DLGAP2: variants seen among roughly 807,000 people sequenced by gnomAD.
DLGAP2 encodes DLG associated protein 2, also known as disks large-associated protein 2.
Under a neutral mutation model 100.3 loss-of-function variants are expected in DLGAP2, and 26 were observed. The ratio of observed to expected loss-of-function variants is 0.26; its 90% CI spans 0.19 to 0.36. DLGAP2 has a LOEUF of 0.36. Among genes scored for constraint, DLGAP2 ranks in the 10% least tolerant of loss-of-function variants. DLGAP2 has a pLI of 1.00. For synonymous variants in DLGAP2, 886 were observed against 630.1 expected, an observed-to-expected ratio of 1.41 and a Z score of -6.08; for missense variants, 1,858 against 1,453.2, an observed-to-expected ratio of 1.28 and a Z score of -4.53.
At chr8:1,681,192 G>A (rs1376337696) in intron 12 of DLGAP2, among the ~76,000 whole-genome samples, 1 of 152,130 alleles carries the variant, frequency 6.6e-6, no homozygotes, top group Non-Finnish European at 1.5e-5. Flanking sequence ...GTCTTCTTTG[G>A]AAGGTGTAAG....
At chr8:841,385 C>T (rs571386028) in intron 1 of DLGAP2, among the ~76,000 whole-genome samples, 3 of 152,278 alleles carry the variant, frequency 2.0e-5, no homozygotes, top group East Asian at 1.9e-4. Context: ...TGGGACACAA[C>T]CCTGGCAGCC....
chr8:1,247,364 TG>T (rs373394843), intron 2 of DLGAP2, among the ~76,000 whole-genome samples: 2,244 of 114,036 alleles, frequency 0.02, 453 homozygotes, highest in South Asian at 0.031. Flanking sequence ...GACATCAGTG[TG>T]GGAGTGATGG....
chr8:1,133,914 G>A (rs991258146), intron 2 of DLGAP2, among the ~76,000 whole-genome samples: 3 of 151,980 alleles, frequency 2.0e-5, no homozygotes, highest in African/African-American at 7.3e-5. Flanking sequence ...GTGTGTCATG[G>A]GGGTTTGTGA....
chr8:1,004,432 T>C (rs1383136297), intron 2 of DLGAP2, among the ~76,000 whole-genome samples: 2 of 152,250 alleles, frequency 1.3e-5, no homozygotes, highest in Non-Finnish European at 2.9e-5. Context: ...AGGTGAGCTC[T>C]ACTTTTTCAA....
At chr8:935,646 G>A (rs1230750506) in intron 2 of DLGAP2, among the ~76,000 whole-genome samples, 1 of 152,112 alleles carries the variant, frequency 6.6e-6, no homozygotes, top group African/African-American at 2.4e-5. Flanking sequence ...AGGGCCGGGT[G>A]TGCCTCAGTC....
intron 3 of DLGAP2, among the ~76,000 whole-genome samples, chr8:1,419,128 T>G (rs888355708): frequency 2.6e-5 from 4 of 152,260 alleles, no homozygotes; most frequent in African/African-American, 9.6e-5. Context: ...TGTTTTTCCA[T>G]TTTAAATTTG....
chr8:1,387,412 G>A (rs1796245577), intron 3 of DLGAP2, among the ~76,000 whole-genome samples: 1 of 152,222 alleles, frequency 6.6e-6, no homozygotes, highest in Non-Finnish European at 1.5e-5. Flanking sequence ...CTGCAGAGAA[G>A]GCTGGGTTTG....
chr8:1,418,847 A>T (rs1797010458), intron 3 of DLGAP2, among the ~76,000 whole-genome samples: 1 of 152,210 alleles, frequency 6.6e-6, no homozygotes, highest in African/African-American at 2.4e-5. Context: ...GCCAATCCCA[A>T]GTCTGGCTTC....
chr8:1,007,429 A>G (rs1801151073), intron 2 of DLGAP2, among the ~76,000 whole-genome samples: 1 of 152,204 alleles, frequency 6.6e-6, no homozygotes, highest in African/African-American at 2.4e-5. Flanking sequence ...ATTGGCCATC[A>G]TGGCCCATTT....
At chr8:1,698,195 C>T (rs973238513) in intron 14 of DLGAP2, among the ~76,000 whole-genome samples, 3 of 152,184 alleles carry the variant, frequency 2.0e-5, no homozygotes, top group Non-Finnish European at 4.4e-5. Flanking sequence ...CACAGGTTCC[C>T]TCTCATCCCA....
intron 3 of DLGAP2, among the ~76,000 whole-genome samples, chr8:1,298,107 G>T (rs1428735845): frequency 6.9e-6 from 1 of 143,934 alleles, no homozygotes; most frequent in Non-Finnish European, 1.5e-5. Flanking sequence ...ACAGGGAGGA[G>T]AAACGTGGCA....
chr8:1,612,544 A>G (rs1381812751), intron 6 of DLGAP2, among the ~76,000 whole-genome samples: 1 of 124,526 alleles, frequency 8.0e-6, no homozygotes, highest in Non-Finnish European at 1.7e-5. Flanking sequence ...GACAAATGGG[A>G]TCTAATTAAA....
At chr8:768,865 A>G (rs1340873145) in intron 1 of DLGAP2, among the ~76,000 whole-genome samples, 2 of 152,190 alleles carry the variant, frequency 1.3e-5, no homozygotes, top group Non-Finnish European at 2.9e-5. Flanking sequence ...ACATCATTTC[A>G]TGTGTCTGGG....
At chr8:1,268,648 C>T (rs1284059935) in intron 3 of DLGAP2, among the ~76,000 whole-genome samples, 1 of 152,194 alleles carries the variant, frequency 6.6e-6, no homozygotes, top group Non-Finnish European at 1.5e-5. Context: ...TCTTCCTTAG[C>T]TCCAGGAATA....
chr8:1,085,306 G>T (rs1222429397), intron 2 of DLGAP2, among the ~76,000 whole-genome samples: 2 of 152,134 alleles, frequency 1.3e-5, no homozygotes, highest in African/African-American at 4.8e-5. Context: ...CTCCTAACCT[G>T]TAGGCTATTT....
chr8:1,148,131 A>G (rs369716142), intron 2 of DLGAP2, among the ~76,000 whole-genome samples: 18 of 152,248 alleles, frequency 1.2e-4, no homozygotes, highest in Middle Eastern at 3.4e-3. Context: ...TACAGATTTG[A>G]TATCTTTTCT....
intron 3 of DLGAP2, among the ~76,000 whole-genome samples, chr8:1,470,751 C>CCGACTCCCCCAGGCTTT (rs879306135): frequency 1.6e-4 from 15 of 92,934 alleles, no homozygotes; most frequent in Non-Finnish European, 3.4e-4. Context: ...CCGACTCCTT[C>CCGACTCCCCCAGGCTTT]CCCGACTCCT....
chr8:989,081 C>A (rs921794168), intron 2 of DLGAP2, among the ~76,000 whole-genome samples: 1 of 152,178 alleles, frequency 6.6e-6, no homozygotes, highest in Non-Finnish European at 1.5e-5. Context: ...GCACAGATCC[C>A]GTCTAGTCAG....
intron 4 of DLGAP2, among the ~76,000 whole-genome samples, chr8:1,517,866 G>A (rs533369923): frequency 2.0e-5 from 3 of 152,200 alleles, no homozygotes; most frequent in African/African-American, 7.2e-5. Flanking sequence ...GCAGGGTCAT[G>A]GAATAAGACA....
Sources: gnomAD v4.1 joint callset for allele counts (sites outside exome capture counted in the v4.1 genomes callset) on GRCh38, gnomAD v4.1.1 for gene constraint, MANE v1.5 for transcripts, NCBI Gene and HGNC (gene_info 2026-07-23, HGNC 2026-07-21) for gene names.